Variants in TDRD12 observed in about 807,000 individuals in gnomAD.
TDRD12 encodes the protein putative ATP-dependent RNA helicase TDRD12.
TDRD12 carries 158 observed loss-of-function variants against 133.5 expected under a neutral mutation model. The observed-to-expected ratio is 1.18, with a 90% CI of 1.04 to 1.35. TDRD12 has a LOEUF of 1.35. Among genes scored for constraint, TDRD12 ranks in the 40% most tolerant of loss-of-function variants. The pLI, the probability that TDRD12 is intolerant of heterozygous loss-of-function variation, is 0.00. For missense variants in TDRD12, 1,443 were observed against 1,321.3 expected, an observed-to-expected ratio of 1.09 and a Z score of -1.43; for synonymous variants, 460 against 477.9, an observed-to-expected ratio of 0.96 and a Z score of 0.49.
rs959689679 is a variant in TDRD12, at chr19:32,800,367, G to A, written c.1950+9G>A. ...ATGGCAATGTCCAACAGGTAACTTT[G>A]TGTGTATGTGTATGTGTATGTGTGT... On this transcript the variant is annotated intron_variant, in intron 17 of 27. Transcript: ENST00000444215. 69 of 1,500,852 alleles carry A rather than the reference G, an allele frequency of 4.6e-5. No individual in the cohort carries two copies. The highest frequency in any genetic ancestry group is 3.4e-4 in the Middle Eastern group (2 of 5,844). The allele number at this position is 1,500,852 out of a possible 1,614,324, so 93.0% of individuals were successfully genotyped here. A position where few individuals can be genotyped will look rare whatever the true frequency, so the allele number is the denominator to read the frequency against.
At chr19:32,741,191 C>G (rs941996893) in intron 3 of TDRD12, among the ~76,000 whole-genome samples, 3 of 152,204 alleles carry the variant, frequency 2.0e-5, no homozygotes, top group Non-Finnish European at 1.5e-5. Flanking sequence ...AAGCGATTCT[C>G]CTGCCTCAGT....
At chr19:32,825,399 T>C (rs1599637861), downstream of TDRD12, among the ~76,000 whole-genome samples, 1 of 152,316 alleles carries the variant, frequency 6.6e-6, no homozygotes, top group Non-Finnish European at 1.5e-5. The surrounding 1 kb of genome is among the most constrained non-coding windows in gnomAD (Gnocchi z 4.1). Context: ...GAATATGTCA[T>C]GTCCAGCACT....
At chr19:32,783,357 G>C (rs774689321) in intron 11 of TDRD12, among the ~76,000 whole-genome samples, 10 of 152,104 alleles carry the variant, frequency 6.6e-5, no homozygotes, top group Non-Finnish European at 1.2e-4. Context: ...TGCTGTTTTG[G>C]TTACCGTAGC....
In TDRD12 at chr19:32,810,233, GA is replaced by G; in HGVS notation, c.2795del (p.Lys932SerfsTer7). On this transcript the variant is annotated frameshift_variant, in exon 23 of 28. Transcript: ENST00000444215. LOFTEE classifies it high-confidence loss of function. ...ATAAAACAACTGTGGAAAAGGTGGA[GA>G]AGTTTGGATTGTATGGATTAGCAGA... 1 of 1,534,778 alleles carries G rather than the reference GA, an allele frequency of 6.5e-7. No individual in the cohort carries two copies. The highest frequency in any genetic ancestry group is 1.2e-5 in the South Asian group (1 of 83,506).
chr19:32,742,524 C>G lies in TDRD12; in HGVS notation c.321-257C>G, dbSNP rs138466983. Among the ~76,000 whole-genome samples, 1,393 of 152,260 alleles carry G rather than the reference C, an allele frequency of 9.1e-3. 27 individuals are homozygous for G. The highest frequency in any genetic ancestry group is 0.032 in the African/African-American group (1,310 of 41,540). ...CCTAGGTCATGAAATGTCAATTTCA[C>G]TGATACACTATCTATGTGCCATATC... is the stretch of plus-strand genomic sequence containing the variant. On this transcript the variant is annotated intron_variant, in intron 3 of 27. Coordinates refer to ENST00000444215, the Ensembl canonical transcript of TDRD12.
chr19:32,805,983 C>T (rs1399134302), intron 21 of TDRD12, among the ~76,000 whole-genome samples: 1 of 152,154 alleles, frequency 6.6e-6, no homozygotes, highest in Non-Finnish European at 1.5e-5. Context: ...CCACCTGCCT[C>T]AGCCTCCCAA....
chr19:32,733,178 A>T (rs1640612000), intron 2 of TDRD12, among the ~76,000 whole-genome samples: 1 of 152,034 alleles, frequency 6.6e-6, no homozygotes, highest in Non-Finnish European at 1.5e-5. Context: ...TCTTAAAAAA[A>T]ATATGCGTAG....
At chr19:32,780,664 A>G (rs958451808) in intron 11 of TDRD12, among the ~76,000 whole-genome samples, 1 of 152,048 alleles carries the variant, frequency 6.6e-6, no homozygotes, top group African/African-American at 2.4e-5. Context: ...ATGAGTGTTC[A>G]TTGTCCCTGG....
intron 8 of TDRD12, among the ~76,000 whole-genome samples, chr19:32,765,513 G>C (rs1970269342): frequency 1.3e-5 from 2 of 152,124 alleles, no homozygotes; most frequent in African/African-American, 4.8e-5. Context: ...TGATAGACTG[G>C]ATTAAGAAAA....
intron 18 of TDRD12, 74 bp from the exon 19 acceptor site, chr19:32,801,682 C>A: frequency 2.1e-6 from 1 of 478,798 alleles, no homozygotes; most frequent in Non-Finnish European, 3.6e-6. Context: ...TTTACATTGA[C>A]AATTATTGAT....
chr19:32,749,579 A>G (rs1385550883), intron 5 of TDRD12, among the ~76,000 whole-genome samples: 1 of 152,146 alleles, frequency 6.6e-6, no homozygotes, highest in Non-Finnish European at 1.5e-5. Flanking sequence ...AGGGTGGCAC[A>G]GGAACCTGTT....
At chr19:32,767,781 G>A (rs2145584753) in intron 8 of TDRD12, among the ~76,000 whole-genome samples, 1 of 152,286 alleles carries the variant, frequency 6.6e-6, no homozygotes, top group South Asian at 2.1e-4. Flanking sequence ...TGCTTAATGG[G>A]AGATGAAGGT....
At chr19:32,801,827 A>G in exon 19 of TDRD12, 1 of 1,467,478 alleles carries the variant, frequency 6.8e-7, no homozygotes, top group Non-Finnish European at 9.1e-7. Context: ...AAAATGTTTT[A>G]GAACAGTGGA....
intron 6 of TDRD12, among the ~76,000 whole-genome samples, chr19:32,752,940 C>A (rs1467757672): frequency 1.3e-5 from 2 of 151,798 alleles, no homozygotes; most frequent in Non-Finnish European, 2.9e-5. Context: ...CTACAGGCAC[C>A]CGCCACCACG....
intron 12 of TDRD12, 140 bp from the exon 13 acceptor site, chr19:32,790,824 T>C: frequency 2.1e-6 from 3 of 1,462,728 alleles, no homozygotes; most frequent in Non-Finnish European, 2.7e-6. Flanking sequence ...GTGGTTTTTT[T>C]TTTCTTTTTT....
intron 3 of TDRD12, among the ~76,000 whole-genome samples, chr19:32,739,998 GCT>G (rs1250780550): frequency 1.1e-5 from 1 of 91,780 alleles, no homozygotes; most frequent in Non-Finnish European, 2.1e-5. Context: ...TCTCCTGGGT[GCT>G]CTCTGCATCT....
chr19:32,729,017 T>C (rs1252010544), intron 1 of TDRD12, among the ~76,000 whole-genome samples: 1 of 150,362 alleles, frequency 6.7e-6, no homozygotes, highest in African/African-American at 2.4e-5. Context: ...TATCTATACA[T>C]GTATAAATAG....
chr19:32,776,010 G>GC (rs1295839185), intron 10 of TDRD12, among the ~76,000 whole-genome samples: 1 of 152,168 alleles, frequency 6.6e-6, no homozygotes, highest in African/African-American at 2.4e-5. Context: ...ACTGTGGGTG[G>GC]CGGTGGCCGT....
At chr19:32,721,006 C>T (rs1450738037) in intron 1 of TDRD12, among the ~76,000 whole-genome samples, 2 of 152,010 alleles carry the variant, frequency 1.3e-5, no homozygotes, top group Admixed American at 1.3e-4. Context: ...CCCCGCTCTC[C>T]GTACTCCACG....
Sources: gnomAD v4.1 joint callset for allele counts (sites outside exome capture counted in the v4.1 genomes callset) on GRCh38, gnomAD v4.1.1 for gene constraint, Gnocchi (gnomAD v3.1) non-coding constraint, MANE v1.5 for transcripts, NCBI Gene and HGNC (gene_info 2026-07-23, HGNC 2026-07-21) for gene names.